Variants in DDX10 observed in about 807,000 individuals in gnomAD.
DDX10 encodes the protein probable ATP-dependent RNA helicase DDX10.
Under a neutral mutation model 104.3 loss-of-function variants are expected in DDX10, and 74 were observed. The ratio of observed to expected loss-of-function variants is 0.71; its 90% CI spans 0.59 to 0.86. The LOEUF is 0.86. Ranked by LOEUF, DDX10 falls within the 40% of genes least tolerant of loss-of-function variation. The pLI is 0.00. For synonymous variants in DDX10, 351 were observed against 353.4 expected, an observed-to-expected ratio of 0.99 and a Z score of 0.08; for missense variants, 952 against 1,040.0, an observed-to-expected ratio of 0.92 and a Z score of 1.16.
In DDX10 at chr11:108,672,493, A is replaced by G. The variant is rs2094218434; in HGVS notation, c.187-974A>G. 2.6e-5 allele frequency among the ~76,000 whole-genome samples: 4 copies of G among 152,190 alleles called. No homozygotes were observed. In the South Asian group the frequency reaches 8.3e-4, roughly 32 times the overall value. On this transcript the variant is annotated intron_variant, in intron 1 of 17. Coordinates refer to ENST00000322536, the MANE Select transcript of DDX10 (RefSeq NM_004398.4). ...CTCCTTTCCAGTGATATCTGAAATGATTTGTAGGGATTAAGACAATGTTTT... is the reference window on the plus strand; with the variant it reads ...CTCCTTTCCAGTGATATCTGAAATGGTTTGTAGGGATTAAGACAATGTTTT...
At chr11:108,677,622 G>A (rs540830800) in intron 4 of DDX10, among the ~76,000 whole-genome samples, 7 of 151,130 alleles carry the variant, frequency 4.6e-5, no homozygotes, top group Non-Finnish European at 7.4e-5. Flanking sequence ...CGTAAGAAAG[G>A]AAGGTAGACT....
intron 10 of DDX10, among the ~76,000 whole-genome samples, chr11:108,707,677 T>G (rs574139674): frequency 6.6e-6 from 1 of 152,192 alleles, no homozygotes; most frequent in Non-Finnish European, 1.5e-5. Flanking sequence ...TAAGGTGCTA[T>G]ATAAAGAATG....
chr11:108,883,407 G>A (rs1863253186), intron 16 of DDX10, among the ~76,000 whole-genome samples: 1 of 152,112 alleles, frequency 6.6e-6, no homozygotes, highest in African/African-American at 2.4e-5. Flanking sequence ...TTTAAGGCCA[G>A]CCTCTCTATT....
At chr11:108,671,438 A>G (rs1396869257) in intron 1 of DDX10, among the ~76,000 whole-genome samples, 1 of 152,248 alleles carries the variant, frequency 6.6e-6, no homozygotes, top group Non-Finnish European at 1.5e-5. Context: ...TGTTGGGATT[A>G]CAGGCGTGAG....
intron 13 of DDX10, among the ~76,000 whole-genome samples, chr11:108,765,253 A>G (rs529817903): frequency 6.6e-6 from 1 of 152,288 alleles, no homozygotes; most frequent in East Asian, 1.9e-4. Flanking sequence ...GTGGGGCTGA[A>G]TTTACAAAAT....
intron 16 of DDX10, among the ~76,000 whole-genome samples, chr11:108,891,459 A>G (rs1025652725): frequency 1.3e-5 from 2 of 152,192 alleles, no homozygotes; most frequent in Non-Finnish European, 2.9e-5. Flanking sequence ...GAAAGCATTT[A>G]TGAATGAACA....
At chr11:108,775,219 A>G (rs898224508) in intron 13 of DDX10, among the ~76,000 whole-genome samples, 4 of 152,262 alleles carry the variant, frequency 2.6e-5, no homozygotes, top group Admixed American at 1.3e-4. Flanking sequence ...ATGACTTGTC[A>G]TGGGAAATTA....
intron 9 of DDX10, among the ~76,000 whole-genome samples, chr11:108,694,915 A>G (rs1203201666): frequency 6.6e-6 from 1 of 152,034 alleles, no homozygotes; most frequent in Non-Finnish European, 1.5e-5. Context: ...AAAAAAAACC[A>G]TAGTAAAGTC....
chr11:108,915,055 T>A (rs1009027074), intron 16 of DDX10, among the ~76,000 whole-genome samples: 6 of 152,186 alleles, frequency 3.9e-5, no homozygotes, highest in Non-Finnish European at 8.8e-5. Flanking sequence ...ATACATGTGC[T>A]TGGAGTCCTG....
chr11:108,722,920 T>G, intron 12 of DDX10, 77 bp from the exon 13 acceptor site: 1 of 1,479,180 alleles, frequency 6.8e-7, no homozygotes. Flanking sequence ...TCTCTGCTCT[T>G]GAGAAACTCT....
intron 16 of DDX10, among the ~76,000 whole-genome samples, chr11:108,900,609 G>A (rs1863505012): frequency 6.6e-6 from 1 of 152,016 alleles, no homozygotes. Context: ...TGAATCTCTG[G>A]TACAGTGAGG....
chr11:108,926,177 T>G (rs1415619837), intron 17 of DDX10, among the ~76,000 whole-genome samples: 1 of 152,114 alleles, frequency 6.6e-6, no homozygotes, highest in Non-Finnish European at 1.5e-5. Flanking sequence ...GACATAATTA[T>G]ACCTTCTAAA....
At chr11:108,668,390 G>A (rs554201096) in intron 1 of DDX10, among the ~76,000 whole-genome samples, 3 of 151,114 alleles carry the variant, frequency 2.0e-5, no homozygotes, top group East Asian at 2.0e-4. Context: ...TTTTTCCCCC[G>A]CTAAGCATTG....
intron 13 of DDX10, among the ~76,000 whole-genome samples, chr11:108,767,091 A>G (rs952848274): frequency 1.3e-5 from 2 of 152,192 alleles, no homozygotes. Context: ...AGTAGTAGGC[A>G]CTAAGTGATG....
intron 16 of DDX10, among the ~76,000 whole-genome samples, chr11:108,878,070 T>A (rs944199379): frequency 6.6e-6 from 1 of 152,216 alleles, no homozygotes; most frequent in African/African-American, 2.4e-5. Flanking sequence ...CATCTACTTA[T>A]TTGAAAATAA....
chr11:108,883,252 A>G (rs1445057459), intron 16 of DDX10, among the ~76,000 whole-genome samples: 1 of 152,210 alleles, frequency 6.6e-6, no homozygotes. Context: ...TTTTGAAGTT[A>G]TATTAAAAAA....
At chr11:108,699,537 A>G (rs1419256665) in intron 9 of DDX10, among the ~76,000 whole-genome samples, 1 of 152,162 alleles carries the variant, frequency 6.6e-6, no homozygotes, top group Non-Finnish European at 1.5e-5. Flanking sequence ...CAGGATAGCC[A>G]CAACATGGTA....
intron 13 of DDX10, among the ~76,000 whole-genome samples, chr11:108,808,709 C>T (rs1192474532): frequency 6.6e-6 from 1 of 152,082 alleles, no homozygotes; most frequent in African/African-American, 2.4e-5. Context: ...AGCCAGCCAT[C>T]CTGTCAGCCA....
At position 108,672,062 on chromosome 11, in the gene DDX10, GAAAAAAAAAA is replaced by G. The variant is rs55845865; in HGVS notation, c.187-1390_187-1381del. Among the ~76,000 whole-genome samples, 5 of 68,638 alleles carry G rather than the reference GAAAAAAAAAA, an allele frequency of 7.3e-5. No individual in the cohort carries two copies. The East Asian group carries it at 1.3e-3, about 18-fold the overall frequency. The allele number at this position is 68,638 out of a possible 152,430, so 45.0% of individuals were successfully genotyped here. On this transcript the variant is annotated intron_variant, in intron 1 of 17. Transcript: ENST00000322536. Reference sequence around the variant, plus strand: ...GGCGACACAGCGAGACTCCATCTCGGAAAAAAAAAAAAAAAAAAAAAAAAGGAATATGGTA... The same window carrying G: ...GGCGACACAGCGAGACTCCATCTCGGAAAAAAAAAAAAAAGGAATATGGTA...
Sources: gnomAD v4.1 joint callset for allele counts (sites outside exome capture counted in the v4.1 genomes callset) on GRCh38, gnomAD v4.1.1 for gene constraint, MANE v1.5 for transcripts, NCBI Gene and HGNC (gene_info 2026-07-23, HGNC 2026-07-21) for gene names.